Variants in PARG observed in about 807,000 individuals in gnomAD.
The protein encoded by PARG is mitochondrial poly(ADP-ribose) glycohydrolase.
A neutral mutation model predicts 113.0 loss-of-function variants in PARG; 35 were observed. The observed-to-expected ratio is 0.31, with a 90% CI of 0.24 to 0.41. The LOEUF is 0.41. PARG is among the 10% of genes least tolerant of loss of function. PARG has a pLI of 1.00. For missense variants in PARG, 797 were observed against 1,169.4 expected (o/e 0.68, Z 4.64); for synonymous variants, 330 against 409.9 (o/e 0.81, Z 2.36).
At chr10:49,906,093 G>A (rs1281885659) in intron 7 of PARG, among the ~76,000 whole-genome samples, 7 of 150,666 alleles carry the variant, frequency 4.6e-5, no homozygotes, top group Admixed American at 2.6e-4. Flanking sequence ...TCAAAGGAAC[G>A]AAGACTGTTG....
intron 9 of PARG, among the ~76,000 whole-genome samples, chr10:49,874,830 G>A (rs1846876442): frequency 7.1e-6 from 1 of 140,864 alleles, no homozygotes; most frequent in South Asian, 2.3e-4. Context: ...CTCCAGCCTG[G>A]TCGACAGAGC....
intron 15 of PARG, among the ~76,000 whole-genome samples, chr10:49,840,345 CGCACATGCCACT>C (rs1845165407): frequency 6.6e-6 from 1 of 150,736 alleles, no homozygotes; most frequent in Admixed American, 6.6e-5. Context: ...GAGCTGTGAT[CGCACATGCCACT>C]GCACTCCAGC....
chr10:49,940,754 CT>C (rs1160618034), intron 1 of PARG, among the ~76,000 whole-genome samples: 1 of 152,166 alleles, frequency 6.6e-6, no homozygotes, highest in Admixed American at 6.5e-5. Flanking sequence ...TCTTGAGCTC[CT>C]GACCTCAGGT....
intron 16 of PARG, among the ~76,000 whole-genome samples, chr10:49,821,549 T>G (rs1213329805): frequency 1.3e-5 from 2 of 152,028 alleles, no homozygotes; most frequent in African/African-American, 4.8e-5. Flanking sequence ...CTGGCTAATT[T>G]CTGTATTTTT....
intron 7 of PARG, among the ~76,000 whole-genome samples, chr10:49,915,612 AACCT>A (rs533995398): frequency 2.1e-3 from 327 of 152,254 alleles, no homozygotes; most frequent in African/African-American, 7.6e-3. Context: ...AACTGGATGC[AACCT>A]GTATGTTTGA....
chr10:49,891,143 T>A (rs1554841401), intron 7 of PARG, among the ~76,000 whole-genome samples: 1 of 151,940 alleles, frequency 6.6e-6, no homozygotes, highest in South Asian at 2.1e-4. Flanking sequence ...TGAAACCCTA[T>A]CTTTACTAAA....
intron 7 of PARG, among the ~76,000 whole-genome samples, chr10:49,912,475 C>G (rs1554846568): frequency 1.3e-5 from 2 of 149,616 alleles, no homozygotes; most frequent in African/African-American, 4.9e-5. Flanking sequence ...CCATCATGGC[C>G]AACATGGTGA....
chr10:49,941,781 C>G lies in PARG; in HGVS notation c.-56G>C. ...CGGCCCGGGCGGAGAGCCTCATTCA[C>G]TAACCCTGAGAGAGATGGACTGCGC... is the stretch of plus-strand genomic sequence containing the variant. On this transcript the variant is annotated 5_prime_UTR_variant, in exon 1 of 18. Transcript: ENST00000616448. The G allele has an allele frequency of 6.5e-7, 1 of 1,539,674 alleles. No homozygotes were observed. Among genetic ancestry groups the G allele is most frequent in the South Asian group, 1.2e-5 (1 of 83,788 alleles).
chr10:49,832,903 G>A lies in PARG; in HGVS notation c.2547C>T (p.Tyr849=). 6.5e-7 allele frequency: 1 copy of A among 1,531,418 alleles called. No homozygotes were observed. The highest frequency in any genetic ancestry group is 8.9e-7 in the Non-Finnish European group (1 of 1,129,136). 94.9% of individuals were successfully genotyped at this position (1,531,418 alleles called of 1,614,324 possible). ...EKMRRELNKA[Y]CGFLRPGVSS... The stretch of plus-strand genomic sequence containing the variant: ...AAACTCCAGGACGGAGAAATCCACA[G>A]TAAGCCTGCAGGATAAAAGAATTAT... Residue 849 remains tyrosine, a synonymous_variant, in exon 16 of 18, where the codon TAC becomes TAT. Transcript: ENST00000616448.
In PARG at chr10:49,935,093, C is replaced by A; in HGVS notation, c.267G>T (p.Lys89Asn). 1 of 775,640 alleles carries A rather than the reference C, an allele frequency of 1.3e-6. No homozygotes were observed. The highest frequency in any genetic ancestry group is 2.3e-6 in the Non-Finnish European group (1 of 441,832). 48.0% of individuals were successfully genotyped at this position (775,640 alleles called of 1,614,324 possible). The change falls in exon 2 of 18, where the codon AAG becomes AAT. Residue 89 changes from lysine to asparagine, a missense_variant. By Grantham distance (94) the Lys-to-Asn change is moderately conservative. Around this residue, in one of 5 missense-constraint regions of PARG, gnomAD observed 284 missense variants for 306.1 expected, o/e 0.93. Transcript: ENST00000616448. ...TTCTATACCTTTCTGATTCCGCTGTCTTGATTCCTTTAGTGTCCATCCAAC... is the reference window on the plus strand; with the variant it reads ...TTCTATACCTTTCTGATTCCGCTGTATTGATTCCTTTAGTGTCCATCCAAC... ...ITSWMDTKGI[K>N]TAESESLDSK...
chr10:49,848,113 G>T (rs1400462721), intron 13 of PARG, among the ~76,000 whole-genome samples: 1 of 151,328 alleles, frequency 6.6e-6, no homozygotes, highest in Non-Finnish European at 1.5e-5. Flanking sequence ...CGCTTTGGGA[G>T]GTCGAGGCGG....
At position 49,819,400 on chromosome 10, in the gene PARG, G is replaced by T; in HGVS notation, c.2871C>A (p.Tyr957Ter). 2 of 1,551,358 alleles carry T rather than the reference G, an allele frequency of 1.3e-6. No individual in the cohort carries two copies. Among genetic ancestry groups the T allele is most frequent in the Non-Finnish European group, 1.7e-6 (2 of 1,146,688 alleles). Residue 957 changes from tyrosine to a stop codon, truncating the protein, a stop_gained, in exon 18 of 18, where the codon TAC becomes TAA. Coordinates refer to ENST00000616448, the MANE Select transcript of PARG (RefSeq NM_003631.5). LOFTEE classifies it high-confidence loss of function. ...GPDIKLYPFI[Y>*]HAVESCAETA... is the part of the protein sequence containing the mutation. ...TCTCTGCACAGGACTCGACAGCATG[G>T]TATATGAATGGATAAAGCTTGATGT... is the stretch of plus-strand genomic sequence containing the variant.
At chr10:49,886,290 C>T (rs1554840443) in intron 7 of PARG, among the ~76,000 whole-genome samples, 1 of 152,150 alleles carries the variant, frequency 6.6e-6, no homozygotes, top group African/African-American at 2.4e-5. Flanking sequence ...AGACTCTTGA[C>T]AAAAATCAGG....
chr10:49,903,100 C>T (rs1848419397), intron 7 of PARG, among the ~76,000 whole-genome samples: 1 of 151,890 alleles, frequency 6.6e-6, no homozygotes, highest in Non-Finnish European at 1.5e-5. Context: ...GCTGGGATTA[C>T]AGGCATGAGA....
At chr10:49,937,717 G>T (rs1261406820) in intron 1 of PARG, among the ~76,000 whole-genome samples, 1 of 152,082 alleles carries the variant, frequency 6.6e-6, no homozygotes, top group Non-Finnish European at 1.5e-5. Flanking sequence ...CAAAGAAGAA[G>T]AGAGCTCTCT....
chr10:49,841,835 G>A (rs1554832344), intron 15 of PARG, 115 bp downstream of exon 15: 1 of 680,068 alleles, frequency 1.5e-6, no homozygotes, highest in Non-Finnish European at 2.6e-6. Flanking sequence ...CAGGAGAGCT[G>A]TGGGCAGACA....
chr10:49,852,337 T>C (rs1394989370), intron 13 of PARG, among the ~76,000 whole-genome samples: 1 of 152,136 alleles, frequency 6.6e-6, no homozygotes, highest in East Asian at 1.9e-4. Flanking sequence ...AGGTGAGTCA[T>C]GGATCTGCAA....
At chr10:49,903,607 G>A in intron 7 of PARG, among the ~76,000 whole-genome samples, 1 of 152,168 alleles carries the variant, frequency 6.6e-6, no homozygotes, top group Non-Finnish European at 1.5e-5. Context: ...ATGGAGTTGT[G>A]CACAGGTACT....
chr10:49,919,453 C>T (rs2132871033), intron 6 of PARG, among the ~76,000 whole-genome samples: 1 of 152,248 alleles, frequency 6.6e-6, no homozygotes, highest in South Asian at 2.1e-4. Flanking sequence ...AAGGCTAGTA[C>T]TATTAATAGA....
Sources: allele counts gnomAD v4.1 joint callset (sites outside exome capture counted in the v4.1 genomes callset), GRCh38; gene constraint gnomAD v4.1.1; regional missense constraint gnomAD v4.1.1; transcripts MANE v1.5; gene names NCBI Gene and HGNC (gene_info 2026-07-23, HGNC 2026-07-21).